TACR1: variants seen among roughly 807,000 people sequenced by gnomAD.
TACR1 encodes tachykinin receptor 1, also known as substance-P receptor.
TACR1 carries 25 observed loss-of-function variants against 35.8 expected under a neutral mutation model. The observed-to-expected ratio is 0.70, with a 90% CI of 0.51 to 0.98. The LOEUF (loss-of-function observed/expected upper bound fraction) is 0.98, where lower values mean the gene tolerates loss of function less well. TACR1 is among the 50% of genes least tolerant of loss of function. The pLI is 0.00. For synonymous variants in TACR1, 195 were observed against 206.7 expected (o/e 0.94, Z 0.48); for missense variants, 478 against 522.9 (o/e 0.91, Z 0.84).
chr2:75,054,095 T>C (rs1460889884), intron 2 of TACR1, among the ~76,000 whole-genome samples: 1 of 152,160 alleles, frequency 6.6e-6, no homozygotes, highest in East Asian at 1.9e-4. Flanking sequence ...CAGTTCAATA[T>C]CACTTGCCCC....
At position 75,173,387 on chromosome 2, in the gene TACR1, G is replaced by C. The variant is rs1433253725; in HGVS notation, c.389+25159C>G. 2.0e-5 allele frequency among the ~76,000 whole-genome samples: 3 copies of C among 152,132 alleles called. No homozygotes were observed. The East Asian group carries it at 5.8e-4, about 29-fold the overall frequency. On this transcript the variant is annotated intron_variant, in intron 1 of 4. Coordinates refer to ENST00000305249, the MANE Select transcript of TACR1 (RefSeq NM_001058.4). ...ATGAAATATTCGTTTATAAATAAGT[G>C]ATTTTTTTGAGCCTGCTTTACTGTA...
chr2:75,109,294 G>A (rs552735052), intron 2 of TACR1, among the ~76,000 whole-genome samples: 1 of 152,222 alleles, frequency 6.6e-6, no homozygotes, highest in African/African-American at 2.4e-5. Context: ...AGAGGGCAGG[G>A]CTCTGAATAT....
rs374462392 is a variant in TACR1, at chr2:75,066,382, A to C, written c.585-12627T>G. On this transcript the variant is annotated intron_variant, in intron 2 of 4. Coordinates refer to ENST00000305249, the MANE Select transcript of TACR1 (RefSeq NM_001058.4). ...CTTTCTGCTCAGATGAGCTAAGAAG[A>C]AGAATGGATAAATGTCACTCAGAGC... Among the ~76,000 whole-genome samples the C allele has an allele frequency of 4.6e-5, 7 of 152,362 alleles. No homozygotes were observed. The South Asian group carries it at 1.0e-3, about 23-fold the overall frequency.
intron 2 of TACR1, among the ~76,000 whole-genome samples, chr2:75,062,848 T>C (rs1483888322): frequency 6.6e-6 from 1 of 152,206 alleles, no homozygotes; most frequent in Non-Finnish European, 1.5e-5. Flanking sequence ...TTCTCTACTT[T>C]AATTATAATT....
intron 2 of TACR1, among the ~76,000 whole-genome samples, chr2:75,088,454 T>A (rs183957663): frequency 1.2e-3 from 180 of 152,364 alleles, no homozygotes; most frequent in African/African-American, 3.8e-3. Flanking sequence ...CATGGTTATA[T>A]AATTATATAA....
At chr2:75,066,461 C>A (rs1460161560) in intron 2 of TACR1, among the ~76,000 whole-genome samples, 1 of 152,318 alleles carries the variant, frequency 6.6e-6, no homozygotes, top group East Asian at 1.9e-4. Context: ...CAAAAATTAT[C>A]TGCAGCATTT....
In TACR1 at chr2:75,051,276, T is replaced by C. The variant is rs565696241; in HGVS notation, c.907A>G (p.Ile303Val). ...CTGTCATTGAGGCAGCAGTAGATGA[T>C]GGGGTTGTACATGGTGGAGCTCATG... The part of the protein sequence containing the change: ...LAMSSTMYNP[I>V]IYCCLNDRFR... Residue 303 changes from isoleucine (I) to valine (V), a missense_variant, in exon 4 of 5, where the codon ATC (isoleucine) becomes GTC (valine). Coordinates refer to ENST00000305249, the MANE Select transcript of TACR1 (RefSeq NM_001058.4). 6 of 1,614,132 alleles carry C rather than the reference T, an allele frequency of 3.7e-6. No homozygotes were observed. Among genetic ancestry groups the C allele is most frequent in the Non-Finnish European group, 4.2e-6 (5 of 1,180,022 alleles).
intron 1 of TACR1, among the ~76,000 whole-genome samples, chr2:75,121,404 G>C (rs149665848): frequency 0.011 from 1,692 of 152,318 alleles, 18 homozygotes; most frequent in Middle Eastern, 0.041. Flanking sequence ...TGCTGAGGCA[G>C]ACAGACTAGA....
intron 2 of TACR1, among the ~76,000 whole-genome samples, chr2:75,080,920 AAGCCGTGGGT>A (rs1214006561): frequency 1.5e-3 from 221 of 152,376 alleles, no homozygotes; most frequent in African/African-American, 4.5e-3. Flanking sequence ...GGAAGGAAGG[AAGCCGTGGGT>A]AGAAATTAGA....
intron 2 of TACR1, among the ~76,000 whole-genome samples, chr2:75,098,560 G>C (rs1042332482): frequency 1.4e-4 from 21 of 152,094 alleles, no homozygotes; most frequent in Admixed American, 1.4e-3. Flanking sequence ...CTCAATATTG[G>C]CCAATCCTTG....
intron 1 of TACR1, chr2:75,188,408 A>T (rs556958691): frequency 1.2e-3 from 177 of 152,330 alleles, no homozygotes; most frequent in African/African-American, 3.9e-3. Flanking sequence ...TGTCTCAATT[A>T]TATTCTATGA....
intron 1 of TACR1, among the ~76,000 whole-genome samples, chr2:75,164,653 C>G (rs1171202343): frequency 2.0e-5 from 3 of 152,084 alleles, no homozygotes; most frequent in Non-Finnish European, 4.4e-5. Context: ...GATAACTATT[C>G]CTGTACAAAG....
intron 1 of TACR1, among the ~76,000 whole-genome samples, chr2:75,136,225 C>T: frequency 6.6e-6 from 1 of 152,304 alleles, no homozygotes; most frequent in African/African-American, 2.4e-5. Context: ...GCCTTCCTTC[C>T]TGCCCTGTGC....
chr2:75,176,664 A>T (rs10865408), intron 1 of TACR1, among the ~76,000 whole-genome samples: 118,160 of 151,944 alleles, frequency 0.78, 46,307 homozygotes, highest in African/African-American at 0.81. Flanking sequence ...TGGAGCCCCA[A>T]GTACTCCCCA....
chr2:75,148,102 T>C (rs1390919656), intron 1 of TACR1, among the ~76,000 whole-genome samples: 1 of 152,204 alleles, frequency 6.6e-6, no homozygotes, highest in Non-Finnish European at 1.5e-5. Context: ...TACCACCGTT[T>C]TTTAATCCAG....
At chr2:75,129,962 T>C (rs1158149936) in intron 1 of TACR1, among the ~76,000 whole-genome samples, 1 of 152,188 alleles carries the variant, frequency 6.6e-6, no homozygotes, top group Non-Finnish European at 1.5e-5. Context: ...ATCTCTTTTA[T>C]TCGAACTAAA....
At chr2:75,049,744 G>A (rs762301379) in intron 4 of TACR1, 21 bp from the exon 5 acceptor site, 24 of 1,604,132 alleles carry the variant, frequency 1.5e-5, no homozygotes, top group Non-Finnish European at 2.0e-5. Flanking sequence ...AGCAGATGAA[G>A]AGGTGACCCT....
chr2:75,162,325 C>A (rs779745923), intron 1 of TACR1, among the ~76,000 whole-genome samples: 1 of 152,174 alleles, frequency 6.6e-6, no homozygotes, highest in African/African-American at 2.4e-5. Flanking sequence ...CTAAATATTT[C>A]TTTAAGCAAA....
chr2:75,169,356 A>G (rs1675221216), intron 1 of TACR1, among the ~76,000 whole-genome samples: 1 of 152,148 alleles, frequency 6.6e-6, no homozygotes, highest in Admixed American at 6.5e-5. Flanking sequence ...AAAGGATGTG[A>G]TGGTTCTACT....
Sources: gnomAD v4.1 joint callset for allele counts (sites outside exome capture counted in the v4.1 genomes callset) on GRCh38, gnomAD v4.1.1 for gene constraint, MANE v1.5 for transcripts, NCBI Gene and HGNC (gene_info 2026-07-23, HGNC 2026-07-21) for gene names.